The following ABCA10 variants were observed in gnomAD, a reference collection of about 807,000 sequenced individuals.
The protein encoded by ABCA10 is ATP binding cassette subfamily A member 10.
A neutral mutation model predicts 187.5 loss-of-function variants in ABCA10; 169 were observed. The ratio of observed to expected loss-of-function variants is 0.90; its 90% confidence interval spans 0.80 to 1.02. The LOEUF is 1.02. Among genes scored for constraint, ABCA10 ranks in the 50% least tolerant of loss-of-function variants. The probability of loss-of-function intolerance (pLI) is 0.00; values close to 1 mark genes in which losing one functional copy is unlikely to be tolerated. For missense variants in ABCA10, 1,727 were observed against 1,812.4 expected (o/e 0.95, Z 0.86); for synonymous variants, 574 against 601.8 (o/e 0.95, Z 0.68).
intron 9 of ABCA10, among the ~76,000 whole-genome samples, chr17:69,213,412 T>G (rs9894689): frequency 5.9e-3 from 740 of 126,208 alleles, no homozygotes; most frequent in Non-Finnish European, 7.0e-3. Context: ...GGTTTGCGGG[T>G]GGGGGGAGGG....
intron 19 of ABCA10, among the ~76,000 whole-genome samples, chr17:69,187,158 A>G (rs2074427780): frequency 6.6e-6 from 1 of 152,196 alleles, no homozygotes; most frequent in South Asian, 2.1e-4. Flanking sequence ...GTAAGATAAT[A>G]AAACTGGCTG....
Position 69,214,728 on chromosome 17 carries a change from A to T in ABCA10, c.982T>A (p.Leu328Ile). Residue 328 changes from leucine to isoleucine, a missense_variant, in exon 9 of 39, where the codon TTA (leucine) becomes ATA (isoleucine). By Grantham distance (5) the Leu-to-Ile change is conservative. Coordinates refer to ENST00000690296, the MANE Select transcript of ABCA10 (RefSeq NM_001377321.1). ...CCAGGTAAAACTCGCTCAAAATATA[A>T]TGTGAATATCAAATAGAAAAGAGTA... ...FDTLFYLIFT[L>I]YFERVLPDKD... 6.6e-7 allele frequency: 1 copy of T among 1,513,614 alleles called. No individual in the cohort carries two copies. The allele number at this position is 1,513,614 out of a possible 1,614,324, so 93.8% of individuals were successfully genotyped here.
In ABCA10 at chr17:69,222,531, A is replaced by G. The variant is rs137917683; in HGVS notation, c.199+2T>C. ...AATTATAATCAGTTTTTTTATAGTT[A>G]CCTGTGTATTCAGAGTGCTCCTTTA... On this transcript the variant is annotated splice_donor_variant, in intron 4 of 38. Transcript: ENST00000690296. LOFTEE classifies it high-confidence loss of function. 7.0e-5 allele frequency: 108 copies of G among 1,545,192 alleles called. No homozygotes were observed. The African/African-American group carries it at 1.4e-3, about 20-fold the overall frequency.
At chr17:69,183,156 T>C (rs1029998901) in intron 20 of ABCA10, among the ~76,000 whole-genome samples, 1 of 152,210 alleles carries the variant, frequency 6.6e-6, no homozygotes, top group South Asian at 2.1e-4. Flanking sequence ...CCTGTAATAT[T>C]TGTAATTATG....
chr17:69,190,429 T>C lies in ABCA10; in HGVS notation c.2060A>G (p.Tyr687Cys), dbSNP rs113700970. Reference protein sequence around the residue: ...DKCSDQGIRNYAVSVTSLNEV... With the variant: ...DKCSDQGIRNCAVSVTSLNEV... ...ATTCAGAGATGTCACTGAAACAGCATAATTCCTTATGCCCTGGTCAGAACA... is the reference window on the plus strand; with the variant it reads ...ATTCAGAGATGTCACTGAAACAGCACAATTCCTTATGCCCTGGTCAGAACA... The change falls in exon 18 of 39, where the codon TAT becomes TGT. Residue 687 changes from tyrosine to cysteine, a missense_variant. Tyr to Cys is a radical substitution (Grantham distance 194). Transcript: ENST00000690296. The C allele has an allele frequency of 1.3e-6, 2 of 1,588,568 alleles. No homozygotes were observed. Among genetic ancestry groups the C allele is most frequent in the Non-Finnish European group, 1.7e-6 (2 of 1,173,010 alleles).
At chr17:69,198,074 G>A (rs544529372) in intron 10 of ABCA10, among the ~76,000 whole-genome samples, 3 of 151,520 alleles carry the variant, frequency 2.0e-5, no homozygotes, top group Non-Finnish European at 4.4e-5. Flanking sequence ...AAGAGCCTGA[G>A]AGGCATCCTT....
At chr17:69,175,116 C>T (rs2074324851) in intron 23 of ABCA10, among the ~76,000 whole-genome samples, 1 of 152,112 alleles carries the variant, frequency 6.6e-6, no homozygotes, top group Non-Finnish European at 1.5e-5. Context: ...TCTAAATTCC[C>T]TTTGGAACTG....
chr17:69,193,923 A>G lies in ABCA10; in HGVS notation c.1412T>C (p.Ile471Thr). ...AAAATTGAACTGTGGACAAAATCCA[A>G]TATTCTTTCTAATTTCTTCCATGTC... is the stretch of plus-strand genomic sequence containing the variant. Reference protein sequence around the residue: ...ITDMEEIRKNIGFCPQFNFQF... With the variant: ...ITDMEEIRKNTGFCPQFNFQF... The change falls in exon 13 of 39, where the codon ATT becomes ACT. Residue 471 changes from isoleucine (I) to threonine (T), a missense_variant. By Grantham distance (89) the Ile-to-Thr change is moderately conservative. Transcript: ENST00000690296. 1 of 1,612,620 alleles carries G rather than the reference A, an allele frequency of 6.2e-7. No homozygotes were observed. The highest frequency in any genetic ancestry group is 8.5e-7 in the Non-Finnish European group (1 of 1,178,898).
intron 1 of ABCA10, among the ~76,000 whole-genome samples, chr17:69,236,510 C>T (rs144540629): frequency 3.3e-5 from 5 of 152,118 alleles, no homozygotes; most frequent in East Asian, 3.8e-4. Context: ...AGATTAGAAT[C>T]GAAATTTTCT....
chr17:69,159,601 A>G (rs1289170896), intron 27 of ABCA10, among the ~76,000 whole-genome samples: 1 of 152,146 alleles, frequency 6.6e-6, no homozygotes, highest in Non-Finnish European at 1.5e-5. Flanking sequence ...CTCTTCAGAA[A>G]CAATGGAGGC....
chr17:69,149,245 G>A, intron 37 of ABCA10, 157 bp from the exon 38 acceptor site: 1 of 759,428 alleles, frequency 1.3e-6, no homozygotes, highest in East Asian at 2.6e-5. Context: ...GTGGTGATAT[G>A]GCTAATAAAA....
intron 25 of ABCA10, among the ~76,000 whole-genome samples, chr17:69,171,934 C>CAAAAA (rs555588771): frequency 3.7e-5 from 3 of 80,248 alleles, no homozygotes; most frequent in East Asian, 2.9e-4. Flanking sequence ...TTTGGGAAGC[C>CAAAAA]AAAAAAAAAA....
At chr17:69,179,896 A>G (rs2074365989) in intron 22 of ABCA10, among the ~76,000 whole-genome samples, 1 of 152,188 alleles carries the variant, frequency 6.6e-6, no homozygotes, top group African/African-American at 2.4e-5. Flanking sequence ...AGTGGTTTGC[A>G]CTCAGTAAAC....
chr17:69,215,661 A>G (rs2074697937), intron 8 of ABCA10, 154 bp downstream of exon 8: 1 of 697,766 alleles, frequency 1.4e-6, no homozygotes, highest in Non-Finnish European at 2.1e-6. Context: ...TCCATTTGAT[A>G]AAACTTTTTT....
In ABCA10 at chr17:69,214,762, C is replaced by A; in HGVS notation, c.948G>T (p.Leu316Phe). 1 of 1,514,258 alleles carries A rather than the reference C, an allele frequency of 6.6e-7. No homozygotes were observed. Among genetic ancestry groups the A allele is most frequent in the Non-Finnish European group, 8.8e-7 (1 of 1,139,276 alleles). The allele number at this position is 1,514,258 out of a possible 1,614,324, so 93.8% of individuals were successfully genotyped here. ...SYKMIATFFI[L>F]AFDTLFYLIF... ...TCAAATAGAAAAGAGTATCAAATGC[C>A]AAAATGAAAAAAGTGGCTATCATTT... Residue 316 changes from leucine (L) to phenylalanine (F), a missense_variant, in exon 9 of 39, where the codon TTG becomes TTT. Leu to Phe is a conservative substitution (Grantham distance 22). Coordinates refer to ENST00000690296, the MANE Select transcript of ABCA10 (RefSeq NM_001377321.1).
chr17:69,240,637 GATAT>G (rs1012529398), intron 1 of ABCA10, among the ~76,000 whole-genome samples: 9 of 152,144 alleles, frequency 5.9e-5, no homozygotes, highest in African/African-American at 2.2e-4. Flanking sequence ...TTCTGACTGT[GATAT>G]TAACTTGTTT....
rs141606649 is a variant in ABCA10, at chr17:69,150,660, C to G, written c.4398-597G>C. On this transcript the variant is annotated intron_variant, in intron 36 of 38. Transcript: ENST00000690296. ...CACACTTACGATTTTCCTTCTAACT[C>G]TCTAGGCCTGCACTGCTTAATAGAG... Among the ~76,000 whole-genome samples the G allele has an allele frequency of 3.4e-4, 52 of 152,294 alleles. 1 individual carries two copies. In the East Asian group the frequency reaches 9.8e-3, roughly 29 times the overall value.
Position 69,191,233 on chromosome 17 carries a change from CTGT to C in ABCA10, c.1951_1953del (p.Thr651del). On this transcript the variant is annotated inframe_deletion, in exon 17 of 39. Coordinates refer to ENST00000690296, the MANE Select transcript of ABCA10 (RefSeq NM_001377321.1). ...CTATATACAAGTTTTTCTTCACTTT[CTGT>C]TGTTAACTTGGCATCAGGAATGTGC... The C allele has an allele frequency of 6.2e-7, 1 of 1,603,552 alleles. No individual in the cohort carries two copies. Among genetic ancestry groups the C allele is most frequent in the Admixed American group, 1.7e-5 (1 of 59,134 alleles).
chr17:69,222,459 T>G, intron 4 of ABCA10, 74 bp downstream of exon 4: 1 of 1,194,554 alleles, frequency 8.4e-7, no homozygotes, highest in Admixed American at 2.8e-5. Context: ...GTATTAATAT[T>G]CCTATCAGTC....
Sources: gnomAD v4.1 joint callset for allele counts (sites outside exome capture counted in the v4.1 genomes callset) on GRCh38, gnomAD v4.1.1 for gene constraint, MANE v1.5 for transcripts, NCBI Gene and HGNC (gene_info 2026-07-23, HGNC 2026-07-21) for gene names.